Variants in OTUD7A observed in about 807,000 individuals in gnomAD.
OTUD7A encodes OTU deubiquitinase 7A, also known as OTU domain-containing protein 7A.
OTUD7A carries 12 observed loss-of-function variants against 65.7 expected under a neutral mutation model. The observed-to-expected ratio is 0.18, with a 90% confidence interval of 0.12 to 0.30. The LOEUF (loss-of-function observed/expected upper bound fraction) is 0.30. Ranked by LOEUF, OTUD7A falls within the 10% of genes least tolerant of loss-of-function variation. The pLI, the probability that OTUD7A is intolerant of heterozygous loss-of-function variation, is 1.00. For missense variants in OTUD7A, 1,148 were observed against 1,304.8 expected (o/e 0.88, Z 1.85); for synonymous variants, 641 against 586.3 (o/e 1.09, Z -1.35).
intron 5 of OTUD7A, among the ~76,000 whole-genome samples, chr15:31,555,643 G>T (rs1438595648): frequency 6.6e-6 from 1 of 152,158 alleles, no homozygotes; most frequent in Non-Finnish European, 1.5e-5. Flanking sequence ...GCACTGGCCG[G>T]CTGAGGGTCT....
intron 3 of OTUD7A, among the ~76,000 whole-genome samples, chr15:31,571,286 CTCTCT>C (rs1388220576): frequency 1.3e-5 from 2 of 152,126 alleles, no homozygotes; most frequent in Non-Finnish European, 2.9e-5. Context: ...TAAAAATAAG[CTCTCT>C]TCTCATCTTT....
At chr15:31,796,078 T>C (rs1011616344) in intron 1 of OTUD7A, among the ~76,000 whole-genome samples, 1 of 151,980 alleles carries the variant, frequency 6.6e-6, no homozygotes, top group East Asian at 1.9e-4. Flanking sequence ...CACCACCATA[T>C]GCAGTGAACT....
chr15:31,651,223 G>C (rs1891825486), intron 3 of OTUD7A, among the ~76,000 whole-genome samples: 1 of 146,964 alleles, frequency 6.8e-6, no homozygotes, highest in Admixed American at 6.8e-5. Flanking sequence ...ATCTAGTATA[G>C]CAACAGTTTA....
intron 1 of OTUD7A, among the ~76,000 whole-genome samples, chr15:31,663,047 TTTGTG>T (rs1288393168): frequency 7.2e-6 from 1 of 139,444 alleles, no homozygotes; most frequent in African/African-American, 2.7e-5. Flanking sequence ...GCAAATATAG[TTTGTG>T]TTAACTCTTT....
rs58866209 is a variant in OTUD7A at position 31,796,185 on chromosome 15, GCAT to G, written c.-100+74319_-100+74321del. The stretch of plus-strand genomic sequence containing the variant: ...TGTGTGTATCTATGTATGTATCTAT[GCAT>G]TATCTATCTATCTATCTATCTATCT... On this transcript the variant is annotated intron_variant, in intron 1 of 12. Coordinates refer to ENST00000307050, the MANE Select transcript of OTUD7A (RefSeq NM_001382637.1). 2.4e-3 allele frequency among the ~76,000 whole-genome samples: 258 copies of G among 107,530 alleles called. 1 individual carries two copies. The highest frequency in any genetic ancestry group is 8.4e-3 in the African/African-American group (244 of 29,206). The allele number at this position is 107,530 out of a possible 152,430, so 70.5% of individuals were successfully genotyped here.
In OTUD7A at chr15:31,651,034, T is replaced by C. The variant is rs1404379312; in HGVS notation, c.151+4062A>G. 5.2e-5 allele frequency among the ~76,000 whole-genome samples: 7 copies of C among 135,220 alleles called. 2 individuals carry two copies. 88.7% of individuals were successfully genotyped at this position (135,220 alleles called of 152,430 possible). A position where few individuals can be genotyped will look rare whatever the true frequency, so the allele number is the denominator to read the frequency against. ...AAATAAATTAATAGAAATGACTGAATCTGAATAACAGACAAAGCTTGAAAA... is the reference window on the plus strand; with the variant it reads ...AAATAAATTAATAGAAATGACTGAACCTGAATAACAGACAAAGCTTGAAAA... On this transcript the variant is annotated intron_variant, in intron 3 of 12. Coordinates refer to ENST00000307050, the MANE Select transcript of OTUD7A (RefSeq NM_001382637.1).
rs1895937104 is a variant in OTUD7A, at chr15:31,795,833, G to A, written c.-100+74674C>T. Among the ~76,000 whole-genome samples the A allele has an allele frequency of 2.6e-5, 4 of 152,288 alleles. No homozygotes were observed. In the South Asian group the frequency reaches 8.3e-4, roughly 32 times the overall value. ...TTTCCTCTTTGTAAAGTGAGGAACA[G>A]GCCCATATGTATCCCTGTAGGGCAA... On this transcript the variant is annotated intron_variant, in intron 1 of 12. Transcript: ENST00000307050.
At position 31,814,835 on chromosome 15, in the gene OTUD7A, C is replaced by T. The variant is rs186673536; in HGVS notation, c.-100+55672G>A. ...CACTGGGCCCAGCCTAAAAATCATG[C>T]GTAAGTTCTATTCATGTTTACTGGG... On this transcript the variant is annotated intron_variant, in intron 1 of 12. Transcript: ENST00000307050. Among the ~76,000 whole-genome samples the T allele has an allele frequency of 1.5e-3, 230 of 152,198 alleles. 2 individuals carry two copies. Among genetic ancestry groups the T allele is most frequent in the Middle Eastern group, 3.4e-3 (1 of 294 alleles).
At chr15:31,761,623 A>C (rs1894965835) in intron 1 of OTUD7A, among the ~76,000 whole-genome samples, 2 of 152,226 alleles carry the variant, frequency 1.3e-5, no homozygotes, top group African/African-American at 4.8e-5. Context: ...GCAGTTACTC[A>C]AAAGTTAAGC....
intron 1 of OTUD7A, among the ~76,000 whole-genome samples, chr15:31,835,445 G>A (rs1307641853): frequency 6.6e-6 from 1 of 152,172 alleles, no homozygotes; most frequent in Non-Finnish European, 1.5e-5. Context: ...TTTCAGCTGG[G>A]CACCATAGAG....
At chr15:31,818,446 G>C (rs1567039497) in intron 1 of OTUD7A, among the ~76,000 whole-genome samples, 1 of 152,194 alleles carries the variant, frequency 6.6e-6, no homozygotes, top group South Asian at 2.1e-4. Flanking sequence ...GTAGTCACAG[G>C]TGTTACTAAC....
intron 8 of OTUD7A, among the ~76,000 whole-genome samples, chr15:31,516,544 A>C (rs1420734191): frequency 6.6e-6 from 1 of 152,174 alleles, no homozygotes; most frequent in Non-Finnish European, 1.5e-5. Context: ...GCCAGAGAGC[A>C]CCTGAGGGTG....
rs769736614 is a variant in OTUD7A, at chr15:31,503,605, C to A, written c.1021+86G>T. ...TGATGCTTTGTGGCCTCTGGGAGCT[C>A]GACCTTGTGCTGTGCTATCTGCTTT... On this transcript the variant is annotated intron_variant, in intron 9 of 12. Coordinates refer to ENST00000307050, the MANE Select transcript of OTUD7A (RefSeq NM_001382637.1). 5.8e-6 allele frequency: 9 copies of A among 1,560,828 alleles called. No homozygotes were observed. The East Asian group carries it at 2.0e-4, about 35-fold the overall frequency.
chr15:31,684,224 T>C (rs1034142841), intron 1 of OTUD7A, among the ~76,000 whole-genome samples: 10 of 151,832 alleles, frequency 6.6e-5, no homozygotes, highest in Admixed American at 6.6e-4. Context: ...GGAGTGGGAA[T>C]AAAGAAAGGA....
At chr15:31,641,140 A>G (rs772095952) in intron 3 of OTUD7A, among the ~76,000 whole-genome samples, 22 of 150,256 alleles carry the variant, frequency 1.5e-4, no homozygotes, top group Non-Finnish European at 3.1e-4. Context: ...CTTGTGAATA[A>G]TGAGTGAGTC....
chr15:31,530,343 G>A (rs1170054964), intron 6 of OTUD7A, among the ~76,000 whole-genome samples: 2 of 152,174 alleles, frequency 1.3e-5, no homozygotes, highest in Non-Finnish European at 2.9e-5. Flanking sequence ...CTCCCTGCCT[G>A]CAATGCCCTC....
At chr15:31,592,380 T>A (rs567662718) in intron 3 of OTUD7A, among the ~76,000 whole-genome samples, 3,471 of 150,894 alleles carry the variant, frequency 0.023, 69 homozygotes, top group Non-Finnish European at 0.028. Flanking sequence ...AATCTTTTTT[T>A]AAAAAAAAAA....
rs374248687 is a variant in OTUD7A at position 31,797,594 on chromosome 15, G to A, written c.-100+72913C>T. Among the ~76,000 whole-genome samples the A allele has an allele frequency of 1.1e-4, 17 of 152,296 alleles. No individual in the cohort carries two copies. In the East Asian group the frequency reaches 3.1e-3, roughly 28 times the overall value. ...CCAGGCCCCACCATGCAGGCTGCCT[G>A]AAGGAACAGCCCCCATTCCTCAGGT... On this transcript the variant is annotated intron_variant, in intron 1 of 12. Coordinates refer to ENST00000307050, the MANE Select transcript of OTUD7A (RefSeq NM_001382637.1).
At chr15:31,760,863 T>C (rs1894942333) in intron 1 of OTUD7A, among the ~76,000 whole-genome samples, 1 of 152,214 alleles carries the variant, frequency 6.6e-6, no homozygotes, top group African/African-American at 2.4e-5. Context: ...TTATGTCTGG[T>C]TGATTCTTTA....
Sources: allele counts gnomAD v4.1 joint callset (sites outside exome capture counted in the v4.1 genomes callset), GRCh38; gene constraint gnomAD v4.1.1; transcripts MANE v1.5; gene names NCBI Gene and HGNC (gene_info 2026-07-23, HGNC 2026-07-21).